Variants in ABI3BP observed in about 807,000 individuals in gnomAD.
ABI3BP encodes ABI family member 3 binding protein, also known as target of Nesh-SH3.
A neutral mutation model predicts 268.6 loss-of-function variants in ABI3BP; 216 were observed. The observed-to-expected ratio is 0.80, with a 90% CI of 0.72 to 0.90. The LOEUF is 0.90. Among genes scored for constraint, ABI3BP ranks in the 40% least tolerant of loss-of-function variants. The pLI, the probability that ABI3BP is intolerant of heterozygous loss-of-function variation, is 0.00. For missense variants in ABI3BP, 2,090 were observed against 2,182.4 expected (o/e 0.96, Z 0.84); for synonymous variants, 730 against 730.0 (o/e 1.00, Z 0.00).
intron 14 of ABI3BP, among the ~76,000 whole-genome samples, chr3:100,857,128 C>T (rs1470143451): frequency 1.3e-5 from 2 of 151,868 alleles, no homozygotes; most frequent in African/African-American, 2.4e-5. Context: ...ACCCATAGAT[C>T]ATTTGGTATG....
Position 100,827,955 on chromosome 3 carries a change from C to T in ABI3BP, c.2602+438G>A, listed in dbSNP as rs564310377. Among the ~76,000 whole-genome samples, 4 of 151,566 alleles carry T rather than the reference C, an allele frequency of 2.6e-5. No individual in the cohort carries two copies. The South Asian group carries it at 8.3e-4, about 32-fold the overall frequency. Reference sequence around the variant, plus strand: ...TATTACTCATACATTAACAAAATAACAAAAATAACAGGCAGATTAAAAAGG... The same window carrying T: ...TATTACTCATACATTAACAAAATAATAAAAATAACAGGCAGATTAAAAAGG... On this transcript the variant is annotated intron_variant, in intron 34 of 67. Coordinates refer to ENST00000471714, the MANE Select transcript of ABI3BP (RefSeq NM_001375547.2).
At chr3:100,929,213 C>A (rs2062843893) in intron 1 of ABI3BP, among the ~76,000 whole-genome samples, 1 of 152,058 alleles carries the variant, frequency 6.6e-6, no homozygotes, top group Non-Finnish European at 1.5e-5. Flanking sequence ...ACAGTCACAG[C>A]ATCATCATCA....
chr3:100,804,677 A>G, intron 51 of ABI3BP, 115 bp downstream of exon 51: 1 of 918,462 alleles, frequency 1.1e-6, no homozygotes, highest in South Asian at 1.5e-5. Flanking sequence ...ATGATACAAC[A>G]TGGGATTTAA....
intron 3 of ABI3BP, among the ~76,000 whole-genome samples, chr3:100,899,801 CCT>C (rs1447011049): frequency 6.6e-6 from 1 of 152,082 alleles, no homozygotes; most frequent in Non-Finnish European, 1.5e-5. Flanking sequence ...TGTTGAATTC[CCT>C]CTTTTATTTC....
chr3:100,876,485 A>G (rs1387175880), intron 7 of ABI3BP, 27 bp downstream of exon 7: 2 of 1,596,708 alleles, frequency 1.3e-6, no homozygotes, highest in Admixed American at 1.7e-5. Context: ...GATTGCTCTA[A>G]ACACATTTCC....
Position 100,780,190 on chromosome 3 carries a change from C to A in ABI3BP, c.4182G>T (p.Arg1394Ser), listed in dbSNP as rs2096826825. Reference protein sequence around the residue: ...GVGTGVKQAPRPSGADRNVSV... With the variant: ...GVGTGVKQAPSPSGADRNVSV... The stretch of plus-strand genomic sequence containing the variant: ...ATACATTTCTATCAGCACCTGATGG[C>A]CTGGGTGCTTGCTTGACCCCTATGA... Residue 1394 changes from arginine (R) to serine (S), a missense_variant, in exon 58 of 68, where the codon AGG becomes AGT. Physicochemically the swap from Arg to Ser is moderately radical, Grantham distance 110. Transcript: ENST00000471714. 6.2e-7 allele frequency: 1 copy of A among 1,612,674 alleles called. No homozygotes were observed. The highest frequency in any genetic ancestry group is 2.2e-5 in the East Asian group (1 of 44,834).
Position 100,839,592 on chromosome 3 carries a change from G to T in ABI3BP, c.1922C>A (p.Pro641Gln). ...KPALEPATIQ[P>Q]EPLVPTTASK... ...ACCAGTTGTGGGCACCAAGGGCTCCGGTTGTATCGTGGCAGGTTCCAGAGC... is the reference window on the plus strand; with the variant it reads ...ACCAGTTGTGGGCACCAAGGGCTCCTGTTGTATCGTGGCAGGTTCCAGAGC... Residue 641 changes from proline (P) to glutamine (Q), a missense_variant, in exon 24 of 68, where the codon CCG becomes CAG. By Grantham distance (76) the Pro-to-Gln change is moderately conservative. Coordinates refer to ENST00000471714, the MANE Select transcript of ABI3BP (RefSeq NM_001375547.2). 1 of 1,535,856 alleles carries T rather than the reference G, an allele frequency of 6.5e-7. No individual in the cohort carries two copies. The highest frequency in any genetic ancestry group is 8.7e-7 in the Non-Finnish European group (1 of 1,146,670).
At chr3:100,841,692 C>G (rs535912289) in intron 21 of ABI3BP, among the ~76,000 whole-genome samples, 4 of 151,934 alleles carry the variant, frequency 2.6e-5, no homozygotes, top group Non-Finnish European at 5.9e-5. Context: ...AGTTTGAGAC[C>G]AGCCTGGCCA....
intron 1 of ABI3BP, among the ~76,000 whole-genome samples, chr3:100,978,814 T>A (rs886563461): frequency 6.6e-6 from 1 of 152,222 alleles, no homozygotes; most frequent in Non-Finnish European, 1.5e-5. Flanking sequence ...GAGATCAGCA[T>A]TATTTCTCAA....
intron 57 of ABI3BP, among the ~76,000 whole-genome samples, chr3:100,785,523 T>C (rs1273541515): frequency 2.6e-5 from 4 of 152,240 alleles, no homozygotes; most frequent in South Asian, 2.1e-4. Flanking sequence ...ATATGCTACA[T>C]AGATGATCAT....
chr3:100,981,887 G>A (rs1392274079), intron 1 of ABI3BP, among the ~76,000 whole-genome samples: 1 of 152,154 alleles, frequency 6.6e-6, no homozygotes, highest in African/African-American at 2.4e-5. Context: ...CAGGCTACTG[G>A]AGTATCTAGA....
At chr3:100,768,032 T>C (rs1349244260) in intron 62 of ABI3BP, among the ~76,000 whole-genome samples, 1 of 152,040 alleles carries the variant, frequency 6.6e-6, no homozygotes, top group East Asian at 1.9e-4. Flanking sequence ...ACCTGCCTTT[T>C]AGTAGTTGAA....
chr3:100,750,337 C>G lies in ABI3BP; in HGVS notation c.*158G>C, dbSNP rs1046148049. The G allele has an allele frequency of 1.9e-6, 1 of 527,646 alleles. No homozygotes were observed. The highest frequency in any genetic ancestry group is 2.0e-5 in the African/African-American group (1 of 50,638). 32.7% of individuals were successfully genotyped at this position (527,646 alleles called of 1,614,324 possible). ...GACTTTGTAAAACCTGATAAATACT[C>G]TCAGCAATCTTTTCTAATAATAAAC... is the stretch of plus-strand genomic sequence containing the variant. On this transcript the variant is annotated 3_prime_UTR_variant, in exon 68 of 68. Transcript: ENST00000471714.
intron 5 of ABI3BP, 71 bp downstream of exon 5, chr3:100,886,071 A>G: frequency 1.7e-6 from 2 of 1,181,500 alleles, no homozygotes; most frequent in South Asian, 1.8e-5. Context: ...AATGAATAAC[A>G]TAATTAAAAA....
chr3:100,938,664 A>G (rs1400379736), intron 1 of ABI3BP, among the ~76,000 whole-genome samples: 1 of 152,162 alleles, frequency 6.6e-6, no homozygotes, highest in Non-Finnish European at 1.5e-5. Flanking sequence ...ATAACAAAAA[A>G]CCATGGCAGC....
intron 19 of ABI3BP, 141 bp downstream of exon 19, chr3:100,847,461 C>A (rs1404803938): frequency 1.3e-5 from 9 of 717,816 alleles, no homozygotes; most frequent in Non-Finnish European, 2.2e-5. Context: ...GGAGCTGGTG[C>A]ACTCTCTGAG....
intron 1 of ABI3BP, 107 bp downstream of exon 1, chr3:100,993,199 T>G: frequency 5.1e-6 from 4 of 778,604 alleles, no homozygotes; most frequent in African/African-American, 1.8e-5. Context: ...CTCTGCAGAA[T>G]AACTCTATTC....
intron 61 of ABI3BP, among the ~76,000 whole-genome samples, chr3:100,773,245 A>T (rs1415169691): frequency 6.6e-6 from 1 of 152,190 alleles, no homozygotes; most frequent in Admixed American, 6.5e-5. Context: ...ATGGTCTTGT[A>T]TCCAGAAAAT....
At position 100,902,740 on chromosome 3, in the gene ABI3BP, G is replaced by A. The variant is rs1222313161; in HGVS notation, c.260-54C>T. ...AAACCCTTTGAGAACCAGCATTGGA[G>A]GCAGCACACCCCTACCCTGATTCAG... On this transcript the variant is annotated intron_variant, in intron 2 of 67. Coordinates refer to ENST00000471714, the MANE Select transcript of ABI3BP (RefSeq NM_001375547.2). The A allele has an allele frequency of 1.7e-5, 25 of 1,451,410 alleles. No individual in the cohort carries two copies. The South Asian group carries it at 1.9e-4, about 11-fold the overall frequency. The allele number at this position is 1,451,410 out of a possible 1,614,324, so 89.9% of individuals were successfully genotyped here. A position where few individuals can be genotyped will look rare whatever the true frequency, so the allele number is the denominator to read the frequency against.
Sources: allele counts gnomAD v4.1 joint callset (sites outside exome capture counted in the v4.1 genomes callset), GRCh38; gene constraint gnomAD v4.1.1; transcripts MANE v1.5; gene names NCBI Gene and HGNC (gene_info 2026-07-23, HGNC 2026-07-21).